The following SAMD4A variants were observed in gnomAD, a reference collection of about 807,000 sequenced individuals.
SAMD4A encodes sterile alpha motif domain containing 4A, also known as protein Smaug homolog 1.
In SAMD4A, 33 loss-of-function variants were observed where a neutral mutation model predicts 81.3. The ratio of observed to expected loss-of-function variants is 0.41; its 90% confidence interval spans 0.31 to 0.54. SAMD4A has a LOEUF of 0.54. Ranked by LOEUF, SAMD4A falls within the 20% of genes least tolerant of loss-of-function variation. The probability of loss-of-function intolerance (pLI) is 0.37; values close to 1 mark genes in which losing one functional copy is unlikely to be tolerated. For synonymous variants in SAMD4A, 389 were observed against 382.1 expected, an observed-to-expected ratio of 1.02 and a Z score of -0.21; for missense variants, 854 against 951.1, an observed-to-expected ratio of 0.90 and a Z score of 1.34.
intron 11 of SAMD4A, among the ~76,000 whole-genome samples, chr14:54,778,612 TTGAG>T (rs1566636257): frequency 6.6e-6 from 1 of 152,090 alleles, no homozygotes; most frequent in African/African-American, 2.4e-5. Flanking sequence ...CTGGAACGCT[TTGAG>T]TGTTTTTTTT....
intron 2 of SAMD4A, among the ~76,000 whole-genome samples, chr14:54,672,664 TTAAGGGTTA>T (rs1459981553): frequency 1.3e-5 from 2 of 152,240 alleles, no homozygotes; most frequent in Admixed American, 1.3e-4. Flanking sequence ...GTATTATTTT[TTAAGGGTTA>T]TAAGGATGTA....
intron 6 of SAMD4A, among the ~76,000 whole-genome samples, chr14:54,756,480 C>G (rs2038242014): frequency 6.6e-6 from 1 of 152,184 alleles, no homozygotes; most frequent in South Asian, 2.1e-4. Flanking sequence ...TGATGCCCAT[C>G]ATACCGTGTG....
intron 3 of SAMD4A, among the ~76,000 whole-genome samples, chr14:54,724,765 G>A (rs1304432762): frequency 6.6e-6 from 1 of 152,174 alleles, no homozygotes; most frequent in Non-Finnish European, 1.5e-5. Flanking sequence ...GTATAATTTG[G>A]TGCATTCCTT....
At chr14:54,775,944 T>C (rs1484926563) in intron 10 of SAMD4A, among the ~76,000 whole-genome samples, 1 of 149,512 alleles carries the variant, frequency 6.7e-6, no homozygotes, top group East Asian at 2.0e-4. Context: ...ACAGGCTGAG[T>C]TGTGCCAGCT....
intron 11 of SAMD4A, among the ~76,000 whole-genome samples, chr14:54,780,357 C>A (rs1398534504): frequency 6.6e-6 from 1 of 152,176 alleles, no homozygotes; most frequent in African/African-American, 2.4e-5. Flanking sequence ...GATTCTTCTG[C>A]CATAAGCACG....
chr14:54,589,997 T>G (rs1474803283), intron 2 of SAMD4A, among the ~76,000 whole-genome samples: 5 of 152,228 alleles, frequency 3.3e-5, no homozygotes, highest in Non-Finnish European at 1.5e-5. Flanking sequence ...CCAAACCGTA[T>G]GCTAGAACGT....
chr14:54,735,933 T>C (rs1566611110), intron 3 of SAMD4A, among the ~76,000 whole-genome samples: 1 of 152,226 alleles, frequency 6.6e-6, no homozygotes, highest in Non-Finnish European at 1.5e-5. Flanking sequence ...GAGATGGAAT[T>C]TAATGGCTTC....
chr14:54,632,202 C>T (rs1034169360), intron 2 of SAMD4A, among the ~76,000 whole-genome samples: 4 of 152,134 alleles, frequency 2.6e-5, no homozygotes, highest in Non-Finnish European at 4.4e-5. Context: ...ATAAACAAAC[C>T]ACTTACTATT....
At chr14:54,600,754 G>A (rs549385424) in intron 2 of SAMD4A, among the ~76,000 whole-genome samples, 199 of 152,258 alleles carry the variant, frequency 1.3e-3, no homozygotes, top group Middle Eastern at 3.4e-3. Flanking sequence ...ACAGAACATT[G>A]GCCAACAGTA....
chr14:54,716,799 CTGAT>C (rs936754815), intron 3 of SAMD4A, among the ~76,000 whole-genome samples: 1 of 151,936 alleles, frequency 6.6e-6, no homozygotes, highest in Non-Finnish European at 1.5e-5. Context: ...TTCTTCTTCT[CTGAT>C]TGTATGTTTG....
At chr14:54,770,630 T>C (rs1036237868) in intron 9 of SAMD4A, among the ~76,000 whole-genome samples, 4 of 152,222 alleles carry the variant, frequency 2.6e-5, no homozygotes, top group Admixed American at 6.5e-5. Context: ...CCCTTCGTGC[T>C]GTAGACAAGC....
chr14:54,775,058 T>C lies in SAMD4A; in HGVS notation c.1840T>C (p.Leu614=). The C allele has an allele frequency of 6.2e-7, 1 of 1,614,186 alleles. No homozygotes were observed. The highest frequency in any genetic ancestry group is 8.5e-7 in the Non-Finnish European group (1 of 1,180,032). Residue 614 remains leucine (L), a synonymous_variant, in exon 10 of 13, where the codon TTG becomes CTG. Transcript: ENST00000554335. ...RNVPSARLGL[L]GTSGFVSSNQ... is the part of the protein sequence containing the mutation. The stretch of plus-strand genomic sequence containing the variant: ...CGTCCCTTCCGCCCGCCTGGGCCTC[T>C]TGGGCACCAGTGGATTCGTCAGCTC...
intron 6 of SAMD4A, among the ~76,000 whole-genome samples, 168 bp downstream of exon 6, chr14:54,751,705 C>T (rs961010697): frequency 3.6e-4 from 55 of 152,224 alleles, no homozygotes; most frequent in Admixed American, 3.5e-3. Flanking sequence ...CCTGGTTGCA[C>T]GTGCTTCTTT....
intron 2 of SAMD4A, among the ~76,000 whole-genome samples, chr14:54,678,431 ATTTGTGTGTGTG>A (rs2036039894): frequency 2.6e-5 from 2 of 77,428 alleles, no homozygotes; most frequent in African/African-American, 1.0e-4. Flanking sequence ...GGCAGTCACC[ATTTGTGTGTGTG>A]TGTGTGTGTG....
chr14:54,709,454 G>C (rs1481185399), intron 3 of SAMD4A, among the ~76,000 whole-genome samples: 1 of 151,866 alleles, frequency 6.6e-6, no homozygotes, highest in East Asian at 1.9e-4. Context: ...ATCTTTTATT[G>C]GTTGCAGAGG....
At chr14:54,680,702 G>A (rs1327923298) in intron 2 of SAMD4A, among the ~76,000 whole-genome samples, 1 of 152,196 alleles carries the variant, frequency 6.6e-6, no homozygotes, top group Non-Finnish European at 1.5e-5. Context: ...TGGTAGTTAA[G>A]CGGTTTATAT....
At position 54,688,424 on chromosome 14, in the gene SAMD4A, G is replaced by C. The variant is rs371737968; in HGVS notation, c.197-13638G>C. 229 of 930,036 alleles carry C rather than the reference G, an allele frequency of 2.5e-4. 2 individuals are homozygous for C. The South Asian group carries it at 0.01, about 41-fold the overall frequency. 57.6% of individuals were successfully genotyped at this position (930,036 alleles called of 1,614,324 possible). On this transcript the variant is annotated intron_variant, in intron 2 of 12. Coordinates refer to ENST00000554335, the MANE Select transcript of SAMD4A (RefSeq NM_015589.6). ...GTGGTTTGTGAGGGTGTGAGCCTGT[G>C]GTAAAGATGCTTTAAAACTGAAATT...
At chr14:54,593,866 T>C (rs2033844813) in intron 2 of SAMD4A, among the ~76,000 whole-genome samples, 1 of 151,772 alleles carries the variant, frequency 6.6e-6, no homozygotes, top group Non-Finnish European at 1.5e-5. Context: ...CATGGGAGGA[T>C]GAGCCAAGTG....
intron 2 of SAMD4A, among the ~76,000 whole-genome samples, chr14:54,624,786 T>G (rs35594181): frequency 0.025 from 3,697 of 149,408 alleles, 144 homozygotes; most frequent in African/African-American, 0.084. Flanking sequence ...ATTTTTTTTT[T>G]TGTTGTTTGG....
Sources: allele counts gnomAD v4.1 joint callset (sites outside exome capture counted in the v4.1 genomes callset), GRCh38; gene constraint gnomAD v4.1.1; transcripts MANE v1.5; gene names NCBI Gene and HGNC (gene_info 2026-07-23, HGNC 2026-07-21).